RFX8: variants seen among roughly 807,000 people sequenced by gnomAD.
RFX8 encodes the protein regulatory factor X8, also known as DNA-binding protein RFX8.
Under a neutral mutation model 54.6 loss-of-function variants are expected in RFX8, and 46 were observed. That is an observed-to-expected ratio of 0.84 (90% CI 0.67 to 1.08). The LOEUF (loss-of-function observed/expected upper bound fraction) is 1.08. Among genes scored for constraint, RFX8 ranks in the 50% least tolerant of loss-of-function variants. RFX8 has a pLI of 0.00. For missense variants in RFX8, 536 were observed against 562.3 expected (o/e 0.95, Z 0.47); for synonymous variants, 192 against 209.5 (o/e 0.92, Z 0.72).
chr2:101,398,059 C>G (rs1244016197), intron 11 of RFX8, among the ~76,000 whole-genome samples: 1 of 152,100 alleles, frequency 6.6e-6, no homozygotes, highest in East Asian at 1.9e-4. Context: ...GGTTTCACTA[C>G]GTTGGCCAGG....
At chr2:101,431,338 C>A (rs1687473876) in intron 2 of RFX8, among the ~76,000 whole-genome samples, 1 of 152,180 alleles carries the variant, frequency 6.6e-6, no homozygotes, top group Non-Finnish European at 1.5e-5. Context: ...AGGGTTATGA[C>A]AGCTGAAGTG....
chr2:101,467,005 G>T, intron 1 of RFX8, 105 bp from the exon 2 acceptor site: 1 of 643,536 alleles, frequency 1.6e-6, no homozygotes, highest in Admixed American at 2.6e-5. Flanking sequence ...TCCAATAAAT[G>T]AAACATGTCT....
intron 2 of RFX8, among the ~76,000 whole-genome samples, chr2:101,465,802 C>T (rs1200816541): frequency 6.6e-6 from 1 of 152,004 alleles, no homozygotes; most frequent in African/African-American, 2.4e-5. Context: ...CAACAGTAGC[C>T]AAAAAAAGGT....
chr2:101,406,974 GC>G (rs1457853355), intron 9 of RFX8, among the ~76,000 whole-genome samples: 2 of 152,190 alleles, frequency 1.3e-5, no homozygotes, highest in Admixed American at 6.5e-5. Flanking sequence ...GCTGCTGCAT[GC>G]AGACTAAGAG....
chr2:101,410,894 G>T (rs746688877), intron 8 of RFX8, among the ~76,000 whole-genome samples, 181 bp from the exon 9 acceptor site: 2 of 152,100 alleles, frequency 1.3e-5, no homozygotes, highest in Non-Finnish European at 2.9e-5. Flanking sequence ...TCACTTCTGC[G>T]GTCATCTATT....
chr2:101,469,153 T>TACAC (rs1213121038), intron 1 of RFX8, among the ~76,000 whole-genome samples: 3 of 132,962 alleles, frequency 2.3e-5, no homozygotes, highest in African/African-American at 9.2e-5. Flanking sequence ...TATATATATA[T>TACAC]ACACACACAC....
At chr2:101,419,954 C>T (rs2104577525) in intron 4 of RFX8, among the ~76,000 whole-genome samples, 1 of 152,356 alleles carries the variant, frequency 6.6e-6, no homozygotes, top group Non-Finnish European at 1.5e-5. Context: ...GCTCACCCCT[C>T]ACCACCCGCG....
intron 2 of RFX8, among the ~76,000 whole-genome samples, chr2:101,433,865 A>T (rs1411054017): frequency 6.6e-6 from 1 of 152,212 alleles, no homozygotes; most frequent in African/African-American, 2.4e-5. Context: ...TGAAGTAATT[A>T]TTTTGGTTTT....
chr2:101,458,147 G>A (rs558753606), intron 2 of RFX8, among the ~76,000 whole-genome samples: 1 of 152,258 alleles, frequency 6.6e-6, no homozygotes, highest in South Asian at 2.1e-4. Context: ...ACACTGATGG[G>A]CCATGATTCT....
At chr2:101,412,101 G>A (rs1431915293) in intron 8 of RFX8, among the ~76,000 whole-genome samples, 1 of 152,132 alleles carries the variant, frequency 6.6e-6, no homozygotes, top group Admixed American at 6.5e-5. Flanking sequence ...AGAGGGAGAG[G>A]CCATTCGACT....
intron 1 of RFX8, among the ~76,000 whole-genome samples, chr2:101,470,709 C>CTTTTTT (rs537834632): frequency 3.8e-5 from 4 of 105,552 alleles, no homozygotes; most frequent in Non-Finnish European, 7.4e-5. Context: ...TCTGAGTACT[C>CTTTTTT]TTTTTTTTTT....
chr2:101,421,950 G>A (rs868354094), intron 3 of RFX8, among the ~76,000 whole-genome samples, 173 bp from the exon 4 acceptor site: 10 of 152,238 alleles, frequency 6.6e-5, no homozygotes, highest in Middle Eastern at 6.8e-3. Flanking sequence ...AACTAATGCA[G>A]ACCTTGTAGG....
chr2:101,469,153 T>C (rs143157893), intron 1 of RFX8, among the ~76,000 whole-genome samples: 2,098 of 132,418 alleles, frequency 0.016, 65 homozygotes, highest in African/African-American at 0.058. Flanking sequence ...TATATATATA[T>C]ACACACACAC....
chr2:101,402,804 A>G, intron 10 of RFX8, 52 bp from the exon 11 acceptor site: 1 of 1,459,648 alleles, frequency 6.9e-7, no homozygotes, highest in Non-Finnish European at 9.2e-7. Flanking sequence ...CAGACAATAA[A>G]CAAATCATTG....
rs1218682493 is a variant in RFX8, at chr2:101,474,792, G to T, written c.-209C>A. 7.9e-6 allele frequency: 1 copy of T among 126,938 alleles called. No individual in the cohort carries two copies. The highest frequency in any genetic ancestry group is 3.0e-5 in the African/African-American group (1 of 33,378). 7.9% of individuals were successfully genotyped at this position (126,938 alleles called of 1,614,324 possible). A position where few individuals can be genotyped will look rare whatever the true frequency, so the allele number is the denominator to read the frequency against. On this transcript the variant is annotated 5_prime_UTR_variant, in exon 1 of 12. Transcript: ENST00000428343. ...CCACCCCAAGAGGTTCTGATGAATTGGTCTGGGCGAGGGCCGCCTGGGCCA... is the reference window on the plus strand; with the variant it reads ...CCACCCCAAGAGGTTCTGATGAATTTGTCTGGGCGAGGGCCGCCTGGGCCA...
chr2:101,446,288 G>C (rs377254454), intron 2 of RFX8, among the ~76,000 whole-genome samples: 5 of 152,136 alleles, frequency 3.3e-5, no homozygotes, highest in Admixed American at 3.3e-4. Context: ...CGATTCTGCT[G>C]CCTCAGCCTC....
At chr2:101,472,839 G>A (rs929787885) in intron 1 of RFX8, among the ~76,000 whole-genome samples, 2 of 152,136 alleles carry the variant, frequency 1.3e-5, no homozygotes, top group African/African-American at 4.8e-5. Flanking sequence ...CTAACATGGT[G>A]AAACCTTGTC....
chr2:101,469,142 A>G (rs1351125746), intron 1 of RFX8, among the ~76,000 whole-genome samples: 1 of 138,342 alleles, frequency 7.2e-6, no homozygotes, highest in Admixed American at 7.6e-5. Context: ...ATATAAGTAT[A>G]TATATATATA....
intron 2 of RFX8, among the ~76,000 whole-genome samples, chr2:101,426,983 GC>G (rs1007503840): frequency 3.9e-5 from 6 of 152,152 alleles, no homozygotes; most frequent in African/African-American, 1.4e-4. Context: ...CAAGCTCTGT[GC>G]CCTCTGGTCC....
Sources: gnomAD v4.1 joint callset for allele counts (sites outside exome capture counted in the v4.1 genomes callset) on GRCh38, gnomAD v4.1.1 for gene constraint, MANE v1.5 for transcripts, NCBI Gene and HGNC (gene_info 2026-07-23, HGNC 2026-07-21) for gene names.